Variants in MACROD1 observed in about 807,000 individuals in gnomAD.
MACROD1 encodes the protein ADP-ribose glycohydrolase MACROD1.
Under a neutral mutation model 41.4 loss-of-function variants are expected in MACROD1, and 31 were observed. That is an observed-to-expected ratio of 0.75 (90% CI 0.56 to 1.01). The LOEUF (loss-of-function observed/expected upper bound fraction) is 1.01, where lower values mean the gene tolerates loss of function less well. MACROD1 is among the 50% of genes least tolerant of loss of function. The pLI is 0.00. For synonymous variants in MACROD1, 252 were observed against 203.4 expected, an observed-to-expected ratio of 1.24 and a Z score of -2.03; for missense variants, 473 against 460.0, an observed-to-expected ratio of 1.03 and a Z score of -0.26.
chr11:63,999,152 T>C (rs1590785072), intron 8 of MACROD1, 116 bp from the exon 9 acceptor site: 7 of 1,315,288 alleles, frequency 5.3e-6, no homozygotes, highest in Non-Finnish European at 7.3e-6. Context: ...TCACGGAGGC[T>C]CACGGCTGTG....
intron 3 of MACROD1, among the ~76,000 whole-genome samples, chr11:64,022,615 A>G (rs1943172964): frequency 6.6e-6 from 1 of 152,190 alleles, no homozygotes; most frequent in Non-Finnish European, 1.5e-5. Context: ...TAACATGTGA[A>G]ATGTGCTGGA....
intron 4 of MACROD1, among the ~76,000 whole-genome samples, chr11:64,004,459 A>T (rs1384421721): frequency 1.3e-5 from 2 of 152,182 alleles, no homozygotes; most frequent in Admixed American, 6.5e-5. Flanking sequence ...AGCATTCCTC[A>T]TGCTAAACAA....
chr11:64,157,246 C>T (rs773106846), intron 1 of MACROD1, among the ~76,000 whole-genome samples: 1 of 152,170 alleles, frequency 6.6e-6, no homozygotes, highest in Non-Finnish European at 1.5e-5. Flanking sequence ...GCATGCACCA[C>T]CACACCCAGC....
At chr11:64,150,936 AC>A (rs1175407459) in intron 3 of MACROD1, among the ~76,000 whole-genome samples, 5 of 151,646 alleles carry the variant, frequency 3.3e-5, no homozygotes, top group Non-Finnish European at 7.4e-5. Flanking sequence ...CCAAGGTCAG[AC>A]CTCCCCGCTG....
rs573518886 is a variant in MACROD1 at position 64,153,081 on chromosome 11, C to T, written c.299-688G>A. Among the ~76,000 whole-genome samples the T allele has an allele frequency of 3.9e-5, 6 of 152,186 alleles. No individual in the cohort carries two copies. The South Asian group carries it at 6.2e-4, about 16-fold the overall frequency. On this transcript the variant is annotated intron_variant, in intron 1 of 10. Transcript: ENST00000255681. The stretch of plus-strand genomic sequence containing the variant: ...AGTGAGGAGCCAGGCACCCCCCACC[C>T]GCTCACAGACTCGGGGTCCACCCTG...
intron 3 of MACROD1, among the ~76,000 whole-genome samples, chr11:64,094,150 A>G (rs1944536819): frequency 6.6e-6 from 1 of 152,120 alleles, no homozygotes. Context: ...TACAAAGCTT[A>G]GGCTGGGCGT....
chr11:64,072,475 T>C (rs1379755863), intron 3 of MACROD1, among the ~76,000 whole-genome samples: 2 of 151,882 alleles, frequency 1.3e-5, no homozygotes, highest in African/African-American at 2.4e-5. Flanking sequence ...GAAACGTACA[T>C]GTGGCATTCC....
intron 1 of MACROD1, among the ~76,000 whole-genome samples, chr11:64,159,439 T>C (rs754333576): frequency 5.9e-5 from 9 of 151,708 alleles, no homozygotes; most frequent in Non-Finnish European, 1.3e-4. Flanking sequence ...GAGGCTGCAG[T>C]GAGCCAAGAT....
rs377384251 is a variant in MACROD1 at position 64,082,591 on chromosome 11, G to A, written c.518-67310C>T. 6.6e-6 allele frequency among the ~76,000 whole-genome samples: 1 copy of A among 152,098 alleles called. No individual in the cohort carries two copies. Among genetic ancestry groups the A allele is most frequent in the African/African-American group, 2.4e-5 (1 of 41,406 alleles). Reference sequence around the variant, plus strand: ...GGTTCAGATTCAGGTGAAGCTTAGGGGTCCCTGGGCTGAAGACGGAACCTC... The same window carrying A: ...GGTTCAGATTCAGGTGAAGCTTAGGAGTCCCTGGGCTGAAGACGGAACCTC... On this transcript the variant is annotated intron_variant, in intron 3 of 10. Coordinates refer to ENST00000255681, the MANE Select transcript of MACROD1 (RefSeq NM_014067.4). This position sits in a 1 kb window ranked among gnomAD's most constrained non-coding sequence, Gnocchi z 4.5.
At position 64,058,841 on chromosome 11, in the gene MACROD1, AG is replaced by A. The variant is rs540443844; in HGVS notation, c.518-43561del. Among the ~76,000 whole-genome samples the A allele has an allele frequency of 3.9e-3, 590 of 152,120 alleles. 6 individuals are homozygous for A. The highest frequency in any genetic ancestry group is 0.014 in the African/African-American group (576 of 41,526). On this transcript the variant is annotated intron_variant, in intron 3 of 10. Transcript: ENST00000255681. ...GAGGGCGTGAAGAGGGCAGCCGGCA[AG>A]GGGGGGTAGGACCAGTGATAGGGGA...
At chr11:64,040,819 G>A (rs1943470340) in intron 3 of MACROD1, among the ~76,000 whole-genome samples, 1 of 152,096 alleles carries the variant, frequency 6.6e-6, no homozygotes, top group Admixed American at 6.5e-5. Flanking sequence ...GTGTCCTGGA[G>A]GGCCCCGGAC....
intron 3 of MACROD1, among the ~76,000 whole-genome samples, chr11:64,145,304 C>T (rs1317784127): frequency 1.3e-5 from 2 of 152,190 alleles, no homozygotes; most frequent in African/African-American, 4.8e-5. Flanking sequence ...CCTCGCCTCC[C>T]GCCACCTCCT....
At chr11:63,999,897 C>T in intron 5 of MACROD1, 134 bp from the exon 6 acceptor site, 1 of 1,079,602 alleles carries the variant, frequency 9.3e-7, no homozygotes, top group Non-Finnish European at 1.3e-6. Context: ...CCGCGAAGGC[C>T]CCCACCCCTG....
intron 3 of MACROD1, among the ~76,000 whole-genome samples, chr11:64,022,735 C>T (rs1160491472): frequency 1.3e-5 from 2 of 152,144 alleles, no homozygotes; most frequent in Non-Finnish European, 2.9e-5. Context: ...CGTGGTAGGG[C>T]GGCCCAGGTG....
chr11:64,010,127 T>TGGGGGGTTGGCTGGGGTGTTGGTTA (rs1942980301), intron 4 of MACROD1, among the ~76,000 whole-genome samples: 1 of 60,834 alleles, frequency 1.6e-5, no homozygotes, highest in Non-Finnish European at 3.2e-5. Context: ...GGGTGTTGGT[T>TGGGGGGTTGGCTGGGGTGTTGGTTA]GGGGGGTTGG....
chr11:64,043,881 G>T (rs368450301), intron 3 of MACROD1, among the ~76,000 whole-genome samples: 4 of 151,036 alleles, frequency 2.6e-5, no homozygotes, highest in Non-Finnish European at 4.4e-5. Flanking sequence ...GTGCAATCTG[G>T]GCTCACAGCA....
intron 3 of MACROD1, among the ~76,000 whole-genome samples, chr11:64,133,778 G>A (rs371289606): frequency 9.2e-5 from 14 of 152,324 alleles, no homozygotes; most frequent in South Asian, 4.1e-4. Flanking sequence ...CCAGCTGCCC[G>A]GGTACATCTC....
At chr11:64,089,585 G>A (rs113574218) in intron 3 of MACROD1, among the ~76,000 whole-genome samples, 27 of 152,324 alleles carry the variant, frequency 1.8e-4, no homozygotes, top group Admixed American at 3.9e-4. Context: ...CAGAGAAAGC[G>A]GCTGAAAACT....
chr11:64,156,252 G>A (rs1032612779), intron 1 of MACROD1, among the ~76,000 whole-genome samples: 1 of 152,166 alleles, frequency 6.6e-6, no homozygotes, highest in Non-Finnish European at 1.5e-5. Flanking sequence ...CTGCACTCCA[G>A]ACTGCCCAAC....
Sources: allele counts gnomAD v4.1 joint callset (sites outside exome capture counted in the v4.1 genomes callset), GRCh38; gene constraint gnomAD v4.1.1; non-coding constraint Gnocchi (gnomAD v3.1); transcripts MANE v1.5; gene names NCBI Gene and HGNC (gene_info 2026-07-23, HGNC 2026-07-21).